DDX60: variants seen among roughly 807,000 people sequenced by gnomAD.
DDX60 encodes the protein probable ATP-dependent RNA helicase DDX60.
DDX60 carries 165 observed loss-of-function variants against 212.8 expected under a neutral mutation model. That is an observed-to-expected ratio of 0.78 (90% CI 0.68 to 0.88). The LOEUF (loss-of-function observed/expected upper bound fraction) is 0.88, where lower values mean the gene tolerates loss of function less well. DDX60 is among the 40% of genes least tolerant of loss of function. DDX60 has a pLI of 0.00. For synonymous variants in DDX60, 703 were observed against 685.3 expected (o/e 1.03, Z -0.40); for missense variants, 1,905 against 2,003.9 (o/e 0.95, Z 0.94).
At chr4:168,245,008 TAA>T (rs1733974609) in intron 30 of DDX60, among the ~76,000 whole-genome samples, 1 of 152,192 alleles carries the variant, frequency 6.6e-6, no homozygotes, top group African/African-American at 2.4e-5. Flanking sequence ...CTTCTTCATT[TAA>T]AAAATACCTG....
rs771846305 is a variant in DDX60, at chr4:168,224,391, A to T, written c.4682-6T>A. The T allele has an allele frequency of 1.2e-6, 2 of 1,610,826 alleles. No individual in the cohort carries two copies. Among genetic ancestry groups the T allele is most frequent in the Non-Finnish European group, 1.7e-6 (2 of 1,177,800 alleles). On this transcript the variant is annotated splice_polypyrimidine_tract_variant and splice_region_variant and intron_variant, in intron 34 of 37. Coordinates refer to ENST00000393743, the MANE Select transcript of DDX60 (RefSeq NM_017631.6). ...ACATTCTTTACCTGTGAATTCTGACAATAATAGTTAGGGATAGATTAGTGT... is the reference window on the plus strand; with the variant it reads ...ACATTCTTTACCTGTGAATTCTGACTATAATAGTTAGGGATAGATTAGTGT...
chr4:168,288,715 A>T (rs1735967596), intron 8 of DDX60, among the ~76,000 whole-genome samples: 1 of 152,188 alleles, frequency 6.6e-6, no homozygotes, highest in Admixed American at 6.5e-5. Flanking sequence ...ATTTAAAAAA[A>T]TGTGTTTGAG....
intron 33 of DDX60, among the ~76,000 whole-genome samples, chr4:168,226,745 T>C (rs1001759150): frequency 1.4e-4 from 21 of 152,154 alleles, no homozygotes; most frequent in Non-Finnish European, 2.2e-4. Flanking sequence ...ATGTAAAGAA[T>C]TGGAGGTCAT....
At chr4:168,295,445 C>T (rs1736300234) in intron 6 of DDX60, among the ~76,000 whole-genome samples, 1 of 152,190 alleles carries the variant, frequency 6.6e-6, no homozygotes. Context: ...GCTGAGCGTT[C>T]AAACTGTGTT....
At chr4:168,257,540 A>T (rs1200996388) in intron 25 of DDX60, among the ~76,000 whole-genome samples, 1 of 152,140 alleles carries the variant, frequency 6.6e-6, no homozygotes, top group African/African-American at 2.4e-5. Context: ...TAACTGACAT[A>T]TGTTGCTTCT....
At chr4:168,306,333 C>G (rs777348384) in intron 5 of DDX60, 46 bp downstream of exon 5, 16 of 1,473,456 alleles carry the variant, frequency 1.1e-5, no homozygotes, top group Non-Finnish European at 1.3e-5. Flanking sequence ...TAACTTAGAA[C>G]ATTTTGAAAA....
Position 168,287,171 on chromosome 4 carries a change from T to C in DDX60, c.1216A>G (p.Lys406Glu). ...LHLNLGDTIM[K>E]DYEYLWNTVS... ...GTATTCCAGAGATATTCATAATCTTTCATAATGGTATCTCCCAAATTCAAA... is the reference window on the plus strand; with the variant it reads ...GTATTCCAGAGATATTCATAATCTTCCATAATGGTATCTCCCAAATTCAAA... Residue 406 changes from lysine (K) to glutamate (E), a missense_variant, in exon 10 of 38, where the codon AAA becomes GAA. By Grantham distance (56) the Lys-to-Glu change is moderately conservative. Coordinates refer to ENST00000393743, the MANE Select transcript of DDX60 (RefSeq NM_017631.6). The C allele has an allele frequency of 1.9e-6, 3 of 1,609,990 alleles. No individual in the cohort carries two copies. The highest frequency in any genetic ancestry group is 2.5e-6 in the Non-Finnish European group (3 of 1,178,594).
In DDX60 at chr4:168,227,210, G is replaced by GT. The variant is rs61106831; in HGVS notation, c.4534-1535dup. ...AGCCTTGGGTTTTCTTTGTGGGAAT[G>GT]TTTTTTTTTTTTTAAATAATAGATT... On this transcript the variant is annotated intron_variant, in intron 33 of 37. Transcript: ENST00000393743. Among the ~76,000 whole-genome samples, 196 of 145,390 alleles carry GT rather than the reference G, an allele frequency of 1.3e-3. 1 individual carries two copies. The highest frequency in any genetic ancestry group is 5.5e-3 in the East Asian group (27 of 4,948).
intron 6 of DDX60, 60 bp downstream of exon 6, chr4:168,302,240 C>A: frequency 2.4e-6 from 2 of 840,912 alleles, no homozygotes; most frequent in Non-Finnish European, 3.5e-6. Flanking sequence ...ATGATTTTTG[C>A]AACTTTTCTA....
Position 168,285,398 on chromosome 4 carries a change from T to C in DDX60, c.1440A>G (p.Leu480=), listed in dbSNP as rs1374108613. 1.2e-6 allele frequency: 2 copies of C among 1,606,336 alleles called. No homozygotes were observed. The highest frequency in any genetic ancestry group is 1.7e-6 in the Non-Finnish European group (2 of 1,175,670). ...CACAGTTTTTGGCCTTATACCTCTTTAGAAAAGGCAAATCTTTCAAAATAT... is the reference window on the plus strand; with the variant it reads ...CACAGTTTTTGGCCTTATACCTCTTCAGAAAAGGCAAATCTTTCAAAATAT... ...AGDILKDLPF[L]KSDDPIVTSL... Residue 480 remains leucine, a synonymous_variant, in exon 11 of 38, where the codon CTA becomes CTG. Coordinates refer to ENST00000393743, the MANE Select transcript of DDX60 (RefSeq NM_017631.6).
intron 35 of DDX60, 94 bp downstream of exon 35, chr4:168,224,149 G>T (rs1733163541): frequency 3.6e-6 from 5 of 1,393,424 alleles, no homozygotes; most frequent in Non-Finnish European, 5.0e-6. Flanking sequence ...TCCTTTTTAA[G>T]CTGGGAAATT....
chr4:168,217,055 A>C, intron 37 of DDX60, 23 bp from the exon 38 acceptor site: 1 of 1,505,464 alleles, frequency 6.6e-7, no homozygotes, highest in Non-Finnish European at 9.2e-7. Flanking sequence ...AAAAAAATAT[A>C]GGATCCACTT....
chr4:168,256,286 T>C (rs2149508558), intron 25 of DDX60, among the ~76,000 whole-genome samples: 1 of 151,850 alleles, frequency 6.6e-6, no homozygotes, highest in Admixed American at 6.6e-5. Flanking sequence ...TCTCTAAAAA[T>C]GAGAAAAAAA....
At chr4:168,232,304 C>T (rs1303350942) in intron 33 of DDX60, among the ~76,000 whole-genome samples, 1 of 151,668 alleles carries the variant, frequency 6.6e-6, no homozygotes, top group Admixed American at 6.6e-5. Context: ...AAGCAATCTA[C>T]AAATTCAATT....
At chr4:168,295,495 T>C (rs1736302184) in intron 6 of DDX60, among the ~76,000 whole-genome samples, 2 of 152,216 alleles carry the variant, frequency 1.3e-5, no homozygotes, top group South Asian at 4.1e-4. Flanking sequence ...ATCCAGCTAT[T>C]CTGTACCTCA....
chr4:168,321,048 C>T (rs1159567466), upstream of DDX60, among the ~76,000 whole-genome samples: 1 of 152,114 alleles, frequency 6.6e-6, no homozygotes, highest in East Asian at 1.9e-4. Flanking sequence ...CTTTCAGTGA[C>T]CGGATTTATC....
At chr4:168,264,627 A>T (rs1649954170) in intron 22 of DDX60, among the ~76,000 whole-genome samples, 1 of 152,184 alleles carries the variant, frequency 6.6e-6, no homozygotes, top group South Asian at 2.1e-4. Flanking sequence ...ATGGAGGATA[A>T]TTCTGCCTGT....
chr4:168,308,284 T>A (rs988817832), intron 3 of DDX60, 89 bp from the exon 4 acceptor site: 2 of 751,866 alleles, frequency 2.7e-6, no homozygotes, highest in East Asian at 3.0e-5. Flanking sequence ...ATTATCATTA[T>A]CATCAATAGC....
intron 6 of DDX60, among the ~76,000 whole-genome samples, chr4:168,294,268 A>T (rs1490788111): frequency 6.6e-6 from 1 of 152,182 alleles, no homozygotes; most frequent in African/African-American, 2.4e-5. Flanking sequence ...CTCAAAATGG[A>T]TTAAAGACTT....
Sources: gnomAD v4.1 joint callset for allele counts (sites outside exome capture counted in the v4.1 genomes callset) on GRCh38, gnomAD v4.1.1 for gene constraint, MANE v1.5 for transcripts, NCBI Gene and HGNC (gene_info 2026-07-23, HGNC 2026-07-21) for gene names.